ARMH3: variants seen among roughly 807,000 people sequenced by gnomAD.
ARMH3 encodes the protein armadillo-like helical domain-containing protein 3.
A neutral mutation model predicts 99.1 loss-of-function variants in ARMH3; 60 were observed. That is an observed-to-expected ratio of 0.61 (90% CI 0.49 to 0.75). ARMH3 has a LOEUF of 0.75. Among genes scored for constraint, ARMH3 ranks in the 30% least tolerant of loss-of-function variants. The probability of loss-of-function intolerance (pLI) is 0.00; values close to 1 mark genes in which losing one functional copy is unlikely to be tolerated. For synonymous variants in ARMH3, 285 were observed against 292.8 expected, an observed-to-expected ratio of 0.97 and a Z score of 0.27; for missense variants, 679 against 843.1, an observed-to-expected ratio of 0.81 and a Z score of 2.41.
rs145792651 is a variant in ARMH3, at chr10:101,936,199, G to A, written c.1781+3664C>T. Among the ~76,000 whole-genome samples, 222 of 151,822 alleles carry A rather than the reference G, an allele frequency of 1.5e-3. 1 individual carries two copies. The highest frequency in any genetic ancestry group is 5.0e-3 in the African/African-American group (209 of 41,428). ...TTAAGGTAATATCTTAACTTTTATA[G>A]AAAAGAAAAATTGGCCGGGTGCGGT... On this transcript the variant is annotated intron_variant, in intron 23 of 25. Transcript: ENST00000370033.
chr10:102,017,597 C>T (rs1479385578), intron 8 of ARMH3, among the ~76,000 whole-genome samples: 1 of 152,176 alleles, frequency 6.6e-6, no homozygotes, highest in African/African-American at 2.4e-5. Context: ...CTCTCTTTAA[C>T]TATCCTCAGC....
intron 23 of ARMH3, among the ~76,000 whole-genome samples, chr10:101,923,706 G>C (rs1157482970): frequency 2.0e-5 from 3 of 152,150 alleles, no homozygotes; most frequent in Non-Finnish European, 2.9e-5. Context: ...ACTAATGCTT[G>C]CTACAATCTT....
At chr10:101,913,647 T>G (rs957376172) in intron 23 of ARMH3, among the ~76,000 whole-genome samples, 5 of 152,208 alleles carry the variant, frequency 3.3e-5, no homozygotes, top group Non-Finnish European at 7.4e-5. Context: ...ATTATAGGCG[T>G]AAGCCACTGC....
rs1468523525 is a variant in ARMH3 at position 101,928,800 on chromosome 10, G to A, written c.1781+11063C>T. ...GGCTGGAGTGCAATGGTGCGATCTC[G>A]GCTCACTGCAACCTCCATCTCCCGG... is the stretch of plus-strand genomic sequence containing the variant. On this transcript the variant is annotated intron_variant, in intron 23 of 25. Transcript: ENST00000370033. Among the ~76,000 whole-genome samples the A allele has an allele frequency of 3.3e-5, 5 of 152,202 alleles. No individual in the cohort carries two copies. In the East Asian group the frequency reaches 7.7e-4, roughly 24 times the overall value.
intron 24 of ARMH3, among the ~76,000 whole-genome samples, chr10:101,869,288 ACAACT>A (rs61013912): frequency 0.2 from 30,771 of 151,986 alleles, 3,363 homozygotes; most frequent in East Asian, 0.48. Context: ...TTTATAGAAA[ACAACT>A]CAACAACAAG....
chr10:102,043,197 G>A (rs1378334768), intron 1 of ARMH3, among the ~76,000 whole-genome samples: 2 of 152,120 alleles, frequency 1.3e-5, no homozygotes, highest in African/African-American at 4.8e-5. Flanking sequence ...CTTCCCAGAG[G>A]AGAGAACCAC....
At chr10:102,047,246 T>G (rs1031927147) in intron 1 of ARMH3, among the ~76,000 whole-genome samples, 1 of 152,150 alleles carries the variant, frequency 6.6e-6, no homozygotes, top group Non-Finnish European at 1.5e-5. Context: ...CTATTTTAAT[T>G]GAGTATAGTC....
intron 1 of ARMH3, among the ~76,000 whole-genome samples, chr10:102,053,214 T>TAAAA (rs1191838493): frequency 1.6e-3 from 80 of 49,004 alleles, no homozygotes; most frequent in Non-Finnish European, 2.0e-3. Context: ...CCTCAGAAGC[T>TAAAA]AAAAAAAAAA....
At chr10:101,878,819 C>T (rs534925596) in intron 24 of ARMH3, among the ~76,000 whole-genome samples, 13 of 151,682 alleles carry the variant, frequency 8.6e-5, no homozygotes, top group South Asian at 4.2e-4. Flanking sequence ...AGAACAAGAC[C>T]TTGTCTCTAA....
chr10:101,865,129 T>C (rs1442029264), intron 24 of ARMH3, among the ~76,000 whole-genome samples: 6 of 149,960 alleles, frequency 4.0e-5, no homozygotes, highest in African/African-American at 7.4e-5. Context: ...GGCAGGAGAA[T>C]GGCATGAACC....
intron 2 of ARMH3, among the ~76,000 whole-genome samples, chr10:102,039,150 A>AT (rs535465530): frequency 0.054 from 7,585 of 141,726 alleles, 197 homozygotes; most frequent in Middle Eastern, 0.11. Flanking sequence ...TTGATAGTGT[A>AT]TTTTTTTTTT....
At chr10:101,880,240 CAT>C (rs1488040950) in intron 24 of ARMH3, among the ~76,000 whole-genome samples, 3 of 152,210 alleles carry the variant, frequency 2.0e-5, no homozygotes, top group Admixed American at 1.3e-4. Flanking sequence ...CTCTTCAGCA[CAT>C]GTCTCTGCCA....
At chr10:101,880,237 G>A (rs1388663220) in intron 24 of ARMH3, among the ~76,000 whole-genome samples, 2 of 152,214 alleles carry the variant, frequency 1.3e-5, no homozygotes, top group African/African-American at 2.4e-5. Flanking sequence ...CAGCTCTTCA[G>A]CACATGTCTC....
At chr10:101,883,044 C>T (rs2067455755) in intron 24 of ARMH3, among the ~76,000 whole-genome samples, 1 of 152,192 alleles carries the variant, frequency 6.6e-6, no homozygotes, top group African/African-American at 2.4e-5. Context: ...AACTTCGTGG[C>T]AGACCTCTAG....
chr10:101,871,612 G>A (rs187804837), intron 24 of ARMH3, among the ~76,000 whole-genome samples: 4 of 152,200 alleles, frequency 2.6e-5, no homozygotes, highest in Admixed American at 6.5e-5. Flanking sequence ...ATTTGGCGGG[G>A]GGGAAAGAAC....
intron 24 of ARMH3, among the ~76,000 whole-genome samples, chr10:101,879,431 C>A (rs1310020854): frequency 2.0e-5 from 3 of 151,780 alleles, no homozygotes; most frequent in Non-Finnish European, 2.9e-5. Flanking sequence ...CTTACTGCAA[C>A]CTCCACCTCC....
chr10:101,875,551 G>A (rs2067240738), intron 24 of ARMH3, among the ~76,000 whole-genome samples: 1 of 151,906 alleles, frequency 6.6e-6, no homozygotes. Context: ...TATACTTCAG[G>A]ACCAAACCCA....
chr10:102,054,600 A>G (rs2067790546), intron 1 of ARMH3, among the ~76,000 whole-genome samples: 1 of 152,180 alleles, frequency 6.6e-6, no homozygotes, highest in Non-Finnish European at 1.5e-5. Context: ...TACACCCAAA[A>G]TAATTCCAAT....
chr10:102,039,105 G>C (rs1484294434), intron 2 of ARMH3, among the ~76,000 whole-genome samples: 1 of 151,598 alleles, frequency 6.6e-6, no homozygotes, highest in Non-Finnish European at 1.5e-5. Flanking sequence ...ATTTCAGAAG[G>C]CAAGTACCCC....
Sources: gnomAD v4.1 joint callset for allele counts (sites outside exome capture counted in the v4.1 genomes callset) on GRCh38, gnomAD v4.1.1 for gene constraint, MANE v1.5 for transcripts, NCBI Gene and HGNC (gene_info 2026-07-23, HGNC 2026-07-21) for gene names.